The following PATL1 variants were observed in gnomAD, a reference collection of about 807,000 sequenced individuals.
The protein encoded by PATL1 is protein PAT1 homolog 1.
PATL1 carries 32 observed loss-of-function variants against 100.6 expected under a neutral mutation model. That is an observed-to-expected ratio of 0.32 (90% confidence interval 0.24 to 0.43). The LOEUF is 0.43. Among genes scored for constraint, PATL1 ranks in the 20% least tolerant of loss-of-function variants. PATL1 has a pLI of 1.00. For missense variants in PATL1, 747 were observed against 949.9 expected (o/e 0.79, Z 2.81); for synonymous variants, 332 against 330.0 (o/e 1.01, Z -0.07).
intron 2 of PATL1, among the ~76,000 whole-genome samples, chr11:59,660,360 T>TA (rs1409287987): frequency 2.0e-5 from 3 of 152,144 alleles, no homozygotes; most frequent in Non-Finnish European, 4.4e-5. Flanking sequence ...AGAGAGATGA[T>TA]AGACAATAAG....
rs1210788359 is a variant in PATL1, at chr11:59,637,748, G to T, written c.*642C>A. Reference sequence around the variant, plus strand: ...AACGTGCTGCATACTCTTTATTTATGTTAAAACAAGTAGAACCCACCAAAT... The same window carrying T: ...AACGTGCTGCATACTCTTTATTTATTTTAAAACAAGTAGAACCCACCAAAT... On this transcript the variant is annotated 3_prime_UTR_variant, in exon 19 of 19. Transcript: ENST00000300146. 6.6e-6 allele frequency: 1 copy of T among 152,396 alleles called. No homozygotes were observed. The highest frequency in any genetic ancestry group is 1.5e-5 in the Non-Finnish European group (1 of 68,178). 9.4% of individuals were successfully genotyped at this position (152,396 alleles called of 1,614,324 possible).
At chr11:59,661,707 C>T (rs985024973) in intron 2 of PATL1, among the ~76,000 whole-genome samples, 4 of 152,132 alleles carry the variant, frequency 2.6e-5, no homozygotes, top group African/African-American at 7.2e-5. Flanking sequence ...GAAAGTTCCC[C>T]ACAATTCCAC....
At chr11:59,654,186 GTC>G (rs1019701740) in intron 8 of PATL1, 114 bp from the exon 9 acceptor site, 2 of 912,710 alleles carry the variant, frequency 2.2e-6, no homozygotes, top group East Asian at 2.5e-5. Context: ...GACTACAAAA[GTC>G]TATTCGGGAT....
Position 59,638,268 on chromosome 11 carries a change from TC to T in PATL1, c.*121del. ...GACAACCCCTGTAAACAGGAATCGA[TC>T]CCACAAGACTTTGCTTTGGGGAAAA... On this transcript the variant is annotated 3_prime_UTR_variant, in exon 19 of 19. Transcript: ENST00000300146. 1 of 968,912 alleles carries T rather than the reference TC, an allele frequency of 1.0e-6. No individual in the cohort carries two copies. Among genetic ancestry groups the T allele is most frequent in the East Asian group, 2.6e-5 (1 of 38,648 alleles). The allele number at this position is 968,912 out of a possible 1,614,324, so 60.0% of individuals were successfully genotyped here.
chr11:59,654,107 C>A lies in PATL1; in HGVS notation c.1032-35G>T. 3 of 1,540,224 alleles carry A rather than the reference C, an allele frequency of 1.9e-6. No homozygotes were observed. The South Asian group carries it at 3.4e-5, about 17-fold the overall frequency. On this transcript the variant is annotated intron_variant, in intron 8 of 18. Coordinates refer to ENST00000300146, the MANE Select transcript of PATL1 (RefSeq NM_152716.3). The stretch of plus-strand genomic sequence containing the variant: ...ACGGAAAAGAGGTTCTCAGTTTGGT[C>A]ATCCTGATGACTTGAAATTTTAAAG...
intron 16 of PATL1, 106 bp from the exon 17 acceptor site, chr11:59,639,489 T>C: frequency 1.2e-6 from 1 of 812,488 alleles, no homozygotes; most frequent in Non-Finnish European, 2.0e-6. Context: ...TAAATCAAAA[T>C]AACCTCACTA....
At chr11:59,639,950 T>C (rs544248393) in intron 16 of PATL1, 2 of 152,516 alleles carry the variant, frequency 1.3e-5, no homozygotes, top group South Asian at 2.1e-4. Context: ...TTAGACAGAA[T>C]GTTAATAAAA....
At chr11:59,643,480 C>T (rs779809796) in intron 15 of PATL1, among the ~76,000 whole-genome samples, 1 of 151,576 alleles carries the variant, frequency 6.6e-6, no homozygotes, top group Non-Finnish European at 1.5e-5. Context: ...AAAGGCCAAG[C>T]AGAAGATCAC....
chr11:59,652,516 G>C lies in PATL1; in HGVS notation c.1374C>G (p.Arg458=), dbSNP rs760729111. ...EIQGDGPKKE[R]TKLITPQVAK... ...CCACCTGAGGGGTGATAAGCTTGGT[G>C]CGCTCCTTCTTAGGGCCATCACCTT... The change falls in exon 11 of 19, where the codon CGC becomes CGG. Residue 458 remains arginine, a synonymous_variant. Transcript: ENST00000300146. 1 of 1,613,924 alleles carries C rather than the reference G, an allele frequency of 6.2e-7. No homozygotes were observed. The highest frequency in any genetic ancestry group is 8.5e-7 in the Non-Finnish European group (1 of 1,179,870).
At chr11:59,645,365 A>G (rs903206501) in intron 15 of PATL1, among the ~76,000 whole-genome samples, 1 of 142,378 alleles carries the variant, frequency 7.0e-6, no homozygotes, top group African/African-American at 2.6e-5. Context: ...GGCCAGGCAG[A>G]GGTGCCCCTC....
intron 2 of PATL1, among the ~76,000 whole-genome samples, chr11:59,665,654 C>T (rs981349952): frequency 8.6e-5 from 13 of 151,972 alleles, no homozygotes; most frequent in African/African-American, 1.4e-4. Flanking sequence ...AAAAATTAGC[C>T]GGGCGCTTGT....
At chr11:59,648,787 C>T (rs572991040) in intron 14 of PATL1, among the ~76,000 whole-genome samples, 1 of 152,344 alleles carries the variant, frequency 6.6e-6, no homozygotes, top group African/African-American at 2.4e-5. Context: ...CCCTGTCAGC[C>T]TAACTCCAGA....
At chr11:59,644,533 T>C (rs1861333258) in intron 15 of PATL1, among the ~76,000 whole-genome samples, 1 of 152,214 alleles carries the variant, frequency 6.6e-6, no homozygotes. Context: ...CTTCTGCCAC[T>C]GGCCCTTTTC....
intron 8 of PATL1, among the ~76,000 whole-genome samples, chr11:59,654,683 G>A (rs1322632742): frequency 6.6e-6 from 1 of 152,026 alleles, no homozygotes; most frequent in Non-Finnish European, 1.5e-5. Context: ...TAGGTTTAAC[G>A]TACTCAGCTT....
Position 59,639,322 on chromosome 11 carries a change from G to C in PATL1, c.2111C>G (p.Pro704Arg), listed in dbSNP as rs1366910029. ...SRGEDLQSSD[P>R]ATESTQNNQW... is the part of the protein sequence containing the mutation. The stretch of plus-strand genomic sequence containing the variant: ...ATTATTTTGTGTTGATTCTGTAGCA[G>C]GGTCTGAACTCTGTAGGTCTTCACC... Residue 704 changes from proline to arginine, a missense_variant, in exon 17 of 19, where the codon CCT becomes CGT. By Grantham distance (103) the Pro-to-Arg change is moderately radical (BLOSUM62 -2). Transcript: ENST00000300146. 2 of 1,551,442 alleles carry C rather than the reference G, an allele frequency of 1.3e-6. No homozygotes were observed. Among genetic ancestry groups the C allele is most frequent in the African/African-American group, 2.7e-5 (2 of 73,046 alleles).
intron 2 of PATL1, among the ~76,000 whole-genome samples, chr11:59,661,151 T>C (rs1241578335): frequency 2.6e-5 from 4 of 152,190 alleles, no homozygotes; most frequent in Admixed American, 1.3e-4. Context: ...AATGGCGTGA[T>C]CTGGCTCACT....
At chr11:59,668,838 C>T in intron 1 of PATL1, 43 bp downstream of exon 1, 3 of 1,013,258 alleles carry the variant, frequency 3.0e-6, no homozygotes, top group East Asian at 4.5e-5. Flanking sequence ...GGGAGAGGGG[C>T]GCGGGAGGGA....
At chr11:59,654,389 A>T (rs1334910242) in intron 8 of PATL1, among the ~76,000 whole-genome samples, 1 of 151,460 alleles carries the variant, frequency 6.6e-6, no homozygotes, top group Non-Finnish European at 1.5e-5. Context: ...AGGCAGTGGA[A>T]TCGCTTGAGC....
intron 2 of PATL1, among the ~76,000 whole-genome samples, chr11:59,662,159 A>G (rs1861634769): frequency 6.6e-6 from 1 of 152,232 alleles, no homozygotes; most frequent in Admixed American, 6.5e-5. Context: ...TTGGTATCAT[A>G]GGACCCACTG....
Sources: gnomAD v4.1 joint callset for allele counts (sites outside exome capture counted in the v4.1 genomes callset) on GRCh38, gnomAD v4.1.1 for gene constraint, MANE v1.5 for transcripts, NCBI Gene and HGNC (gene_info 2026-07-23, HGNC 2026-07-21) for gene names.